CCDC158: variants seen among roughly 807,000 people sequenced by gnomAD.
The protein encoded by CCDC158 is coiled-coil domain-containing protein 158.
Under a neutral mutation model 138.6 loss-of-function variants are expected in CCDC158, and 116 were observed. The ratio of observed to expected loss-of-function variants is 0.84; its 90% CI spans 0.72 to 0.98. The LOEUF (loss-of-function observed/expected upper bound fraction) is 0.98, where lower values mean the gene tolerates loss of function less well. Among genes scored for constraint, CCDC158 ranks in the 50% least tolerant of loss-of-function variants. CCDC158 has a pLI of 0.00. For synonymous variants in CCDC158, 436 were observed against 442.4 expected (o/e 0.99, Z 0.18); for missense variants, 1,265 against 1,306.1 (o/e 0.97, Z 0.48).
chr4:76,322,953 T>C (rs1370413699), intron 24 of CCDC158, among the ~76,000 whole-genome samples: 1 of 152,220 alleles, frequency 6.6e-6, no homozygotes, highest in African/African-American at 2.4e-5. Flanking sequence ...TTCTTGGCTA[T>C]TATTGTATAA....
chr4:76,371,208 C>G (rs1286348452), intron 10 of CCDC158, among the ~76,000 whole-genome samples: 1 of 152,142 alleles, frequency 6.6e-6, no homozygotes, highest in African/African-American at 2.4e-5. Flanking sequence ...TCACCTAATA[C>G]TGTAATAGCT....
At position 76,351,782 on chromosome 4, in the gene CCDC158, T is replaced by C. The variant is rs752069785; in HGVS notation, c.2476A>G (p.Ile826Val). ...GATTCTTGCTCCTGACGCTGTATTA[T>C]ATCTTGACATTCTGCAAACTGCAAA... ...ASLQFAECQD[I>V]IQRQEQESVR... Residue 826 changes from isoleucine to valine, a missense_variant, in exon 17 of 25, where the codon ATA becomes GTA. Physicochemically the swap from Ile to Val is conservative, Grantham distance 29. Coordinates refer to ENST00000682701, the MANE Select transcript of CCDC158 (RefSeq NM_001394954.1). The C allele has an allele frequency of 8.1e-6, 13 of 1,612,926 alleles. No homozygotes were observed. In the Admixed American group the frequency reaches 1.7e-4, roughly 21 times the overall value.
intron 4 of CCDC158, among the ~76,000 whole-genome samples, chr4:76,388,072 C>T (rs1312293520): frequency 6.6e-6 from 1 of 152,036 alleles, no homozygotes; most frequent in Non-Finnish European, 1.5e-5. Context: ...GAATAACCAG[C>T]AGTGATACCC....
At chr4:76,322,452 G>A (rs574704715) in intron 24 of CCDC158, among the ~76,000 whole-genome samples, 1 of 152,172 alleles carries the variant, frequency 6.6e-6, no homozygotes, top group Non-Finnish European at 1.5e-5. Flanking sequence ...AAAATTACAT[G>A]AAGAAAACGC....
intron 2 of CCDC158, among the ~76,000 whole-genome samples, chr4:76,407,783 G>C (rs959420424): frequency 6.6e-6 from 1 of 152,118 alleles, no homozygotes; most frequent in Non-Finnish European, 1.5e-5. Flanking sequence ...TAAGATCAAG[G>C]TAAGCAGAAT....
intron 1 of CCDC158, among the ~76,000 whole-genome samples, chr4:76,419,548 A>G (rs965592525): frequency 1.3e-5 from 2 of 152,194 alleles, no homozygotes; most frequent in Non-Finnish European, 2.9e-5. Flanking sequence ...TCTGCAAGAG[A>G]ATCAGTTCCT....
At chr4:76,351,446 G>A (rs1259225349) in intron 17 of CCDC158, among the ~76,000 whole-genome samples, 1 of 152,068 alleles carries the variant, frequency 6.6e-6, no homozygotes, top group East Asian at 1.9e-4. Context: ...GCAGGTACTC[G>A]TAAACTTCAC....
intron 1 of CCDC158, among the ~76,000 whole-genome samples, chr4:76,420,565 T>G (rs1413843559): frequency 6.6e-6 from 1 of 152,174 alleles, no homozygotes; most frequent in East Asian, 1.9e-4. Context: ...GCGCCGGCAT[T>G]TAACACCATT....
rs575635498 is a variant in CCDC158, at chr4:76,396,568, A to G, written c.71-82T>C. ...CTGTTATTGCCCAGGCTGGAGTGCA[A>G]TGGCGCGATCTTGCTCACTGCAACC... On this transcript the variant is annotated intron_variant, in intron 3 of 24. Transcript: ENST00000682701. 56 of 1,030,940 alleles carry G rather than the reference A, an allele frequency of 5.4e-5. 1 individual carries two copies. In the South Asian group the frequency reaches 8.8e-4, roughly 16 times the overall value. 63.9% of individuals were successfully genotyped at this position (1,030,940 alleles called of 1,614,324 possible). A position where few individuals can be genotyped will look rare whatever the true frequency, so the allele number is the denominator to read the frequency against.
At chr4:76,319,447 A>G (rs1719740523) in intron 24 of CCDC158, among the ~76,000 whole-genome samples, 2 of 32,742 alleles carry the variant, frequency 6.1e-5, no homozygotes, top group Admixed American at 1.1e-3. Flanking sequence ...AAAAAAAAAA[A>G]AAAAAAAAAA....
intron 16 of CCDC158, 73 bp from the exon 17 acceptor site, chr4:76,351,885 C>T: frequency 1.2e-6 from 1 of 860,654 alleles, no homozygotes; most frequent in Non-Finnish European, 1.9e-6. Context: ...CCTATGAATG[C>T]AGAGCTGCCA....
intron 18 of CCDC158, among the ~76,000 whole-genome samples, chr4:76,337,180 G>C (rs1721596386): frequency 6.6e-6 from 1 of 152,004 alleles, no homozygotes; most frequent in South Asian, 2.1e-4. Context: ...TGGAGAGATG[G>C]GGTTTTGCCA....
intron 7 of CCDC158, among the ~76,000 whole-genome samples, chr4:76,382,927 AT>A (rs985865037): frequency 2.0e-5 from 3 of 151,902 alleles, no homozygotes; most frequent in Non-Finnish European, 2.9e-5. Context: ...GGAATTCAGA[AT>A]TTTTTTTTAT....
At chr4:76,321,679 T>G (rs531044570) in intron 24 of CCDC158, among the ~76,000 whole-genome samples, 236 of 146,674 alleles carry the variant, frequency 1.6e-3, no homozygotes, top group Non-Finnish European at 2.8e-3. Flanking sequence ...TTTTTATATA[T>G]ATATATATTT....
chr4:76,375,572 TA>T (rs1406291039), intron 9 of CCDC158: 8 of 702,510 alleles, frequency 1.1e-5, no homozygotes, highest in East Asian at 8.0e-5. Flanking sequence ...GTAGTAAAAA[TA>T]AATGCTGAAT....
chr4:76,386,531 T>C (rs1046177519), intron 4 of CCDC158, among the ~76,000 whole-genome samples: 3 of 152,282 alleles, frequency 2.0e-5, no homozygotes, highest in Non-Finnish European at 2.9e-5. Flanking sequence ...GCTCCCACAC[T>C]GTGTAGTGTA....
At chr4:76,364,281 T>C (rs17001809) in intron 12 of CCDC158, among the ~76,000 whole-genome samples, 4,458 of 152,286 alleles carry the variant, frequency 0.029, 214 homozygotes, top group African/African-American at 0.1. Context: ...GCCATCACTT[T>C]GCATATGGAT....
chr4:76,327,848 A>C (rs897645430), intron 22 of CCDC158, among the ~76,000 whole-genome samples: 15 of 152,148 alleles, frequency 9.9e-5, no homozygotes, highest in Admixed American at 9.8e-4. Flanking sequence ...TCATCATCAC[A>C]GTTTCATTCT....
chr4:76,321,263 T>C (rs987988188), intron 24 of CCDC158, among the ~76,000 whole-genome samples: 3 of 151,956 alleles, frequency 2.0e-5, no homozygotes, highest in Non-Finnish European at 4.4e-5. Flanking sequence ...TGACATAAGT[T>C]AAAAATATGA....
Sources: gnomAD v4.1 joint callset for allele counts (sites outside exome capture counted in the v4.1 genomes callset) on GRCh38, gnomAD v4.1.1 for gene constraint, MANE v1.5 for transcripts, NCBI Gene and HGNC (gene_info 2026-07-23, HGNC 2026-07-21) for gene names.